The following ARHGAP24 variants were observed in gnomAD, a reference collection of about 807,000 sequenced individuals.
The protein encoded by ARHGAP24 is rho GTPase-activating protein 24.
A neutral mutation model predicts 76.4 loss-of-function variants in ARHGAP24; 50 were observed. The observed-to-expected ratio is 0.65, with a 90% confidence interval of 0.52 to 0.83. The LOEUF (loss-of-function observed/expected upper bound fraction) is 0.83, where lower values mean the gene tolerates loss of function less well. ARHGAP24 is among the 40% of genes least tolerant of loss of function. The probability of loss-of-function intolerance (pLI) is 0.00; values close to 1 mark genes in which losing one functional copy is unlikely to be tolerated. For missense variants in ARHGAP24, 930 were observed against 914.2 expected, an observed-to-expected ratio of 1.02 and a Z score of -0.22; for synonymous variants, 345 against 323.3, an observed-to-expected ratio of 1.07 and a Z score of -0.72.
At chr4:85,882,262 T>G (rs1733301533) in intron 3 of ARHGAP24, among the ~76,000 whole-genome samples, 1 of 152,194 alleles carries the variant, frequency 6.6e-6, no homozygotes, top group South Asian at 2.1e-4. Flanking sequence ...TGATTCTCAG[T>G]TTCCTCTTCT....
chr4:85,961,637 T>G (rs1738259319), intron 5 of ARHGAP24, among the ~76,000 whole-genome samples: 1 of 152,130 alleles, frequency 6.6e-6, no homozygotes, highest in Non-Finnish European at 1.5e-5. Context: ...TGGGGACACA[T>G]TAATAAGTTA....
intron 2 of ARHGAP24, among the ~76,000 whole-genome samples, chr4:85,645,283 TC>T (rs1721681598): frequency 6.6e-6 from 1 of 152,144 alleles, no homozygotes; most frequent in Non-Finnish European, 1.5e-5. Flanking sequence ...AAACACTATT[TC>T]ATAGAGTAAA....
intron 5 of ARHGAP24, among the ~76,000 whole-genome samples, chr4:85,961,631 G>A (rs1738258889): frequency 1.3e-5 from 2 of 152,022 alleles, no homozygotes. Context: ...CATTGTTGGG[G>A]ACACATTAAT....
chr4:85,672,004 C>A (rs1424169777), intron 2 of ARHGAP24, among the ~76,000 whole-genome samples: 1 of 152,048 alleles, frequency 6.6e-6, no homozygotes, highest in East Asian at 1.9e-4. Context: ...AATGTTAACC[C>A]ATGAAAAAAT....
chr4:85,755,536 G>A (rs1224278003), intron 3 of ARHGAP24, among the ~76,000 whole-genome samples: 3 of 151,900 alleles, frequency 2.0e-5, no homozygotes, highest in East Asian at 1.9e-4. Flanking sequence ...TTATTGGAAA[G>A]TGAAAATATT....
At chr4:85,680,828 T>A (rs1723178107) in intron 2 of ARHGAP24, among the ~76,000 whole-genome samples, 1 of 150,458 alleles carries the variant, frequency 6.6e-6, no homozygotes, top group African/African-American at 2.4e-5. Context: ...ACATATATCA[T>A]GAGTTAAGAC....
intron 3 of ARHGAP24, among the ~76,000 whole-genome samples, chr4:85,788,100 A>C (rs1727938500): frequency 6.6e-6 from 1 of 152,162 alleles, no homozygotes; most frequent in Admixed American, 6.5e-5. Context: ...TGTGGACTTA[A>C]GCCTAGGAAC....
Position 85,994,802 on chromosome 4 carries a change from A to G in ARHGAP24, c.1148A>G (p.Gln383Arg). 1 of 1,614,128 alleles carries G rather than the reference A, an allele frequency of 6.2e-7. No individual in the cohort carries two copies. Among genetic ancestry groups the G allele is most frequent in the South Asian group, 1.1e-5 (1 of 91,082 alleles). ...QCSWDKSESP[Q>R]RSSMNNGSPT... ...TCCTGGGACAAGTCTGAGTCACCCC[A>G]GAGAAGCAGCATGAACAATGGATCC... The change falls in exon 9 of 10, where the codon CAG (glutamine) becomes CGG (arginine). Residue 383 changes from glutamine to arginine, a missense_variant. Coordinates refer to ENST00000395184, the MANE Select transcript of ARHGAP24 (RefSeq NM_001025616.3).
Position 85,768,080 on chromosome 4 carries a change from T to C in ARHGAP24, c.268+46108T>C, listed in dbSNP as rs1578209665. Among the ~76,000 whole-genome samples the C allele has an allele frequency of 2.0e-5, 3 of 152,296 alleles. No individual in the cohort carries two copies. In the South Asian group the frequency reaches 6.2e-4, roughly 32 times the overall value. On this transcript the variant is annotated intron_variant, in intron 3 of 9. Coordinates refer to ENST00000395184, the MANE Select transcript of ARHGAP24 (RefSeq NM_001025616.3). ...AAATAGACTGTTTATATGCGGCTGC[T>C]GTGTTGACCATGAGAAAAGAGAAAT...
intron 4 of ARHGAP24, among the ~76,000 whole-genome samples, chr4:85,941,800 T>C (rs1736962560): frequency 1.3e-5 from 2 of 152,216 alleles, no homozygotes; most frequent in African/African-American, 4.8e-5. Context: ...GTTTTTCTTA[T>C]TTCAAAATCG....
chr4:85,673,563 A>G (rs975399203), intron 2 of ARHGAP24, among the ~76,000 whole-genome samples: 1 of 151,484 alleles, frequency 6.6e-6, no homozygotes. Flanking sequence ...AGTGAAAGAG[A>G]AAGAGAGAAG....
intron 3 of ARHGAP24, among the ~76,000 whole-genome samples, chr4:85,902,677 C>T (rs6850630): frequency 0.3 from 45,486 of 152,076 alleles, 6,946 homozygotes; most frequent in South Asian, 0.43. Context: ...GATTTTGGCT[C>T]ACTGCAACCT....
At chr4:85,975,878 T>G (rs7356433) in intron 7 of ARHGAP24, 4 of 152,200 alleles carry the variant, frequency 2.6e-5, no homozygotes. Context: ...TAATTGTCAG[T>G]GTAACTGAGT....
rs191738298 is a variant in ARHGAP24 at position 85,857,487 on chromosome 4, A to G, written c.269-66161A>G. On this transcript the variant is annotated intron_variant, in intron 3 of 9. Transcript: ENST00000395184. The stretch of plus-strand genomic sequence containing the variant: ...GGGTTATCAATTCAAATTATCATCA[A>G]GATCAATTATTATGTATTTTTTTGG... Among the ~76,000 whole-genome samples the G allele has an allele frequency of 8.0e-3, 1,222 of 152,312 alleles. 14 individuals carry two copies. The highest frequency in any genetic ancestry group is 0.012 in the Non-Finnish European group (823 of 68,014).
At chr4:85,881,336 G>T (rs1312962712) in intron 3 of ARHGAP24, among the ~76,000 whole-genome samples, 1 of 152,142 alleles carries the variant, frequency 6.6e-6, no homozygotes, top group Non-Finnish European at 1.5e-5. Flanking sequence ...TCATACCATG[G>T]TGGATAAAAG....
At chr4:85,955,141 T>C (rs1737836713) in intron 5 of ARHGAP24, among the ~76,000 whole-genome samples, 1 of 152,168 alleles carries the variant, frequency 6.6e-6, no homozygotes, top group Non-Finnish European at 1.5e-5. Context: ...CCAGATCTCT[T>C]TCTAAACAGC....
At chr4:85,886,739 C>T (rs1733589169) in intron 3 of ARHGAP24, among the ~76,000 whole-genome samples, 1 of 152,022 alleles carries the variant, frequency 6.6e-6, no homozygotes, top group South Asian at 2.1e-4. Flanking sequence ...TAGATCATAT[C>T]CATTTCCCCC....
chr4:85,663,796 G>T (rs1431993156), intron 2 of ARHGAP24, among the ~76,000 whole-genome samples: 3,876 of 150,810 alleles, frequency 0.026, 142 homozygotes, highest in African/African-American at 0.09. Flanking sequence ...TTTGTCTTTG[G>T]TTCTGTTTAT....
At chr4:85,571,294 G>A (rs1727131163) in intron 2 of ARHGAP24, among the ~76,000 whole-genome samples, 1 of 152,114 alleles carries the variant, frequency 6.6e-6, no homozygotes. Flanking sequence ...TTCTTTATTT[G>A]CTTATTTACT....
Sources: allele counts gnomAD v4.1 joint callset (sites outside exome capture counted in the v4.1 genomes callset), GRCh38; gene constraint gnomAD v4.1.1; transcripts MANE v1.5; gene names NCBI Gene and HGNC (gene_info 2026-07-23, HGNC 2026-07-21).